Variants in PTH2R observed in about 807,000 individuals in gnomAD.
The protein encoded by PTH2R is PTH2 receptor.
PTH2R carries 59 observed loss-of-function variants against 60.3 expected under a neutral mutation model. The ratio of observed to expected loss-of-function variants is 0.98; its 90% confidence interval spans 0.79 to 1.22. The LOEUF is 1.22. Among genes scored for constraint, PTH2R ranks in the 50% most tolerant of loss-of-function variants. The probability of loss-of-function intolerance (pLI) is 0.00; values close to 1 mark genes in which losing one functional copy is unlikely to be tolerated. For synonymous variants in PTH2R, 256 were observed against 243.8 expected (o/e 1.05, Z -0.47); for missense variants, 749 against 682.6 (o/e 1.10, Z -1.08).
At chr2:208,482,931 G>T (rs1463753085) in intron 10 of PTH2R, among the ~76,000 whole-genome samples, 1 of 152,196 alleles carries the variant, frequency 6.6e-6, no homozygotes, top group Non-Finnish European at 1.5e-5. Context: ...CCATTCATAG[G>T]CTCTCTGCAG....
intron 7 of PTH2R, among the ~76,000 whole-genome samples, chr2:208,448,555 A>G (rs1702336618): frequency 6.7e-6 from 1 of 148,808 alleles, no homozygotes; most frequent in Non-Finnish European, 1.5e-5. Flanking sequence ...TATGGTGTGA[A>G]CCCGGGAGGC....
chr2:208,441,512 T>C (rs900811963), intron 4 of PTH2R, among the ~76,000 whole-genome samples: 2 of 152,252 alleles, frequency 1.3e-5, no homozygotes, highest in Admixed American at 6.5e-5. Flanking sequence ...TCTATTAGTA[T>C]TAGATTACAT....
At chr2:208,379,315 T>C (rs1700868274) in intron 1 of PTH2R, among the ~76,000 whole-genome samples, 1 of 152,118 alleles carries the variant, frequency 6.6e-6, no homozygotes, top group Non-Finnish European at 1.5e-5. Flanking sequence ...TAAATGTACA[T>C]TTACAGAATT....
intron 11 of PTH2R, 88 bp from the exon 12 acceptor site, chr2:208,490,551 T>C (rs2105912864): frequency 7.7e-7 from 1 of 1,296,978 alleles, no homozygotes; most frequent in Middle Eastern, 1.9e-4. Flanking sequence ...TAAAAAACAA[T>C]TTTTGGACGT....
intron 1 of PTH2R, chr2:208,360,308 C>G (rs995253714): frequency 1.8e-5 from 6 of 340,614 alleles, no homozygotes; most frequent in Admixed American, 7.6e-5. Context: ...CTACTGGTCC[C>G]TAGGAACTTT....
At chr2:208,390,678 CTCTG>C (rs1191035323) in intron 1 of PTH2R, among the ~76,000 whole-genome samples, 3 of 152,110 alleles carry the variant, frequency 2.0e-5, no homozygotes, top group African/African-American at 7.2e-5. Flanking sequence ...AATTGAGATT[CTCTG>C]TCTGATTTTC....
chr2:208,380,190 C>T (rs1376269478), intron 1 of PTH2R, among the ~76,000 whole-genome samples: 1 of 152,070 alleles, frequency 6.6e-6, no homozygotes, highest in African/African-American at 2.4e-5. Context: ...AGTGAGTTTC[C>T]ATTCAATATG....
At chr2:208,395,421 T>A (rs1277042484) in intron 1 of PTH2R, among the ~76,000 whole-genome samples, 2 of 152,146 alleles carry the variant, frequency 1.3e-5, no homozygotes, top group East Asian at 1.9e-4. Flanking sequence ...GTAGAGGATG[T>A]CTATTTCCAC....
chr2:208,395,289 C>A (rs902259455), intron 1 of PTH2R, among the ~76,000 whole-genome samples: 1 of 152,048 alleles, frequency 6.6e-6, no homozygotes, highest in African/African-American at 2.4e-5. Context: ...CCTCATGATC[C>A]ACCCGCCTCA....
intron 1 of PTH2R, among the ~76,000 whole-genome samples, chr2:208,395,712 C>G (rs546129089): frequency 2.6e-5 from 4 of 152,056 alleles, no homozygotes; most frequent in Non-Finnish European, 5.9e-5. Flanking sequence ...AGGCTGGGTC[C>G]CTCATGAAAA....
At chr2:208,465,064 C>A (rs1166351343) in intron 9 of PTH2R, among the ~76,000 whole-genome samples, 2 of 152,084 alleles carry the variant, frequency 1.3e-5, no homozygotes, top group Admixed American at 6.6e-5. Context: ...TAGCCTTGAT[C>A]TCCTGGGCTC....
intron 1 of PTH2R, among the ~76,000 whole-genome samples, chr2:208,383,494 C>A (rs1700951871): frequency 6.6e-6 from 1 of 152,164 alleles, no homozygotes; most frequent in South Asian, 2.1e-4. Context: ...GGCAGACATG[C>A]TTAAATGTTT....
chr2:208,379,614 C>T (rs1700873773), intron 1 of PTH2R, among the ~76,000 whole-genome samples: 1 of 140,228 alleles, frequency 7.1e-6, no homozygotes, highest in Admixed American at 7.6e-5. Context: ...AATCCTAGCA[C>T]TTTCGGAGGC....
At chr2:208,403,992 G>A (rs1464630941), upstream of PTH2R, among the ~76,000 whole-genome samples, 1 of 152,164 alleles carries the variant, frequency 6.6e-6, no homozygotes, top group Non-Finnish European at 1.5e-5. Context: ...TATTCTATAG[G>A]TCAAGCAGTC....
At position 208,450,801 on chromosome 2, in the gene PTH2R, T is replaced by A. The variant is rs2105879284; in HGVS notation, c.906T>A (p.Ala302=). The change falls in exon 8 of 13, where the codon GCT becomes GCA. Residue 302 remains alanine (A), a synonymous_variant. Coordinates refer to ENST00000272847, the MANE Select transcript of PTH2R (RefSeq NM_005048.4). ...AAWAVARATL[A]DARCWELSAG... ...GGGCTGTGGCACGAGCAACTCTGGC[T>A]GATGCGAGGTGAGTGAAAAGGCAGG... 1 of 1,614,006 alleles carries A rather than the reference T, an allele frequency of 6.2e-7. No individual in the cohort carries two copies. Among genetic ancestry groups the A allele is most frequent in the East Asian group, 2.2e-5 (1 of 44,888 alleles).
chr2:208,387,921 C>G (rs1451771544), intron 1 of PTH2R, among the ~76,000 whole-genome samples: 1 of 152,206 alleles, frequency 6.6e-6, no homozygotes, highest in Non-Finnish European at 1.5e-5. Context: ...AGGGCCCCCT[C>G]TCAGTGCTAG....
chr2:208,381,189 A>C (rs993499724), intron 1 of PTH2R, among the ~76,000 whole-genome samples: 3 of 152,020 alleles, frequency 2.0e-5, no homozygotes, highest in Admixed American at 2.0e-4. Context: ...AAGTAATAAA[A>C]TATATGTAAA....
chr2:208,403,172 AT>A (rs1701341167), upstream of PTH2R, among the ~76,000 whole-genome samples: 1 of 152,244 alleles, frequency 6.6e-6, no homozygotes, highest in African/African-American at 2.4e-5. Flanking sequence ...TAGCCAGCAA[AT>A]TATAGCCATT....
At chr2:208,480,930 C>G (rs1444033560) in intron 9 of PTH2R, 140 bp from the exon 10 acceptor site, 1 of 597,398 alleles carries the variant, frequency 1.7e-6, no homozygotes, top group Admixed American at 3.4e-5. Context: ...CTTCCAATAT[C>G]TGATCTCAGG....
Sources: allele counts gnomAD v4.1 joint callset (sites outside exome capture counted in the v4.1 genomes callset), GRCh38; gene constraint gnomAD v4.1.1; transcripts MANE v1.5; gene names NCBI Gene and HGNC (gene_info 2026-07-23, HGNC 2026-07-21).